The following FAM135A variants were observed in gnomAD, a reference collection of about 807,000 sequenced individuals.
FAM135A encodes family with sequence similarity 135 member A.
A neutral mutation model predicts 146.8 loss-of-function variants in FAM135A; 79 were observed. That is an observed-to-expected ratio of 0.54 (90% CI 0.45 to 0.65). The LOEUF (loss-of-function observed/expected upper bound fraction) is 0.65, where lower values mean the gene tolerates loss of function less well. Among genes scored for constraint, FAM135A ranks in the 30% least tolerant of loss-of-function variants. FAM135A has a pLI of 0.00. For missense variants in FAM135A, 1,623 were observed against 1,758.2 expected (o/e 0.92, Z 1.38); for synonymous variants, 562 against 603.6 (o/e 0.93, Z 1.01).
intron 5 of FAM135A, among the ~76,000 whole-genome samples, chr6:70,461,137 T>G (rs1021003977): frequency 6.6e-6 from 1 of 152,114 alleles, no homozygotes; most frequent in African/African-American, 2.4e-5. Flanking sequence ...GATAGATAAA[T>G]CTTAATGTAG....
chr6:70,519,948 T>G (rs1016550151), intron 12 of FAM135A, among the ~76,000 whole-genome samples: 3 of 152,194 alleles, frequency 2.0e-5, no homozygotes, highest in Non-Finnish European at 2.9e-5. Context: ...TTTTATTTAA[T>G]GTGCTCAGCT....
chr6:70,529,522 T>G (rs1795383505), intron 16 of FAM135A, among the ~76,000 whole-genome samples: 1 of 151,704 alleles, frequency 6.6e-6, no homozygotes, highest in African/African-American at 2.4e-5. Context: ...CAATAAAGTC[T>G]TCAAAGAATT....
intron 21 of FAM135A, 55 bp from the exon 22 acceptor site, chr6:70,559,661 T>G: frequency 3.5e-6 from 5 of 1,415,572 alleles, no homozygotes; most frequent in Non-Finnish European, 4.8e-6. Flanking sequence ...GCATAGTTTT[T>G]TTATTTTCAG....
intron 5 of FAM135A, among the ~76,000 whole-genome samples, chr6:70,453,375 A>G (rs1236002362): frequency 2.6e-5 from 4 of 152,112 alleles, no homozygotes; most frequent in Non-Finnish European, 5.9e-5. Context: ...TTATCATACT[A>G]TGGATACTAA....
intron 4 of FAM135A, among the ~76,000 whole-genome samples, chr6:70,436,031 A>G (rs936291638): frequency 6.6e-6 from 1 of 152,080 alleles, no homozygotes; most frequent in Non-Finnish European, 1.5e-5. Context: ...TAAAAGTACA[A>G]AAATTAGCCA....
chr6:70,494,421 G>A (rs1227518584), intron 11 of FAM135A, among the ~76,000 whole-genome samples: 1 of 151,842 alleles, frequency 6.6e-6, no homozygotes, highest in Admixed American at 6.6e-5. Flanking sequence ...CCTGAGTCCA[G>A]GAAATGAGAC....
chr6:70,431,355 G>A (rs1771559473), intron 4 of FAM135A, among the ~76,000 whole-genome samples: 2 of 152,162 alleles, frequency 1.3e-5, no homozygotes, highest in African/African-American at 4.8e-5. Flanking sequence ...CAGTCAGATG[G>A]CAGATTGGCC....
chr6:70,544,789 G>A (rs980698185), intron 20 of FAM135A, among the ~76,000 whole-genome samples: 1 of 151,660 alleles, frequency 6.6e-6, no homozygotes, highest in South Asian at 2.1e-4. Flanking sequence ...AGTGGCTCAC[G>A]CCTGTAATCC....
At chr6:70,465,784 C>G (rs1052610391) in intron 5 of FAM135A, among the ~76,000 whole-genome samples, 1 of 152,222 alleles carries the variant, frequency 6.6e-6, no homozygotes, top group African/African-American at 2.4e-5. Context: ...GTTTCAGTTT[C>G]TCCACATCCA....
intron 16 of FAM135A, among the ~76,000 whole-genome samples, chr6:70,530,037 C>G (rs1795505005): frequency 1.3e-5 from 2 of 151,804 alleles, no homozygotes; most frequent in African/African-American, 2.4e-5. Context: ...GCACTTCAGC[C>G]TGGGCTACAG....
At position 70,435,107 on chromosome 6, in the gene FAM135A, ATATTT is replaced by A. The variant is rs1449408324; in HGVS notation, c.77+6690_77+6694del. Among the ~76,000 whole-genome samples, 595 of 66,670 alleles carry A rather than the reference ATATTT, an allele frequency of 8.9e-3. 5 individuals are homozygous for A. Among genetic ancestry groups the A allele is most frequent in the African/African-American group, 0.024 (455 of 19,238 alleles). The allele number at this position is 66,670 out of a possible 152,430, so 43.7% of individuals were successfully genotyped here. ...TATATATATATATATATATATATAT[ATATTT>A]TTTTTTTTTTTTAGATGGAGTCTCA... is the stretch of plus-strand genomic sequence containing the variant. On this transcript the variant is annotated intron_variant, in intron 4 of 21. Coordinates refer to ENST00000418814, the MANE Select transcript of FAM135A (RefSeq NM_001162529.3).
At chr6:70,526,727 T>C (rs968814090) in intron 15 of FAM135A, 29 bp downstream of exon 15, 1 of 1,509,136 alleles carries the variant, frequency 6.6e-7, no homozygotes, top group African/African-American at 1.4e-5. Context: ...TAGTACCTGC[T>C]GCTAAATATA....
intron 3 of FAM135A, among the ~76,000 whole-genome samples, chr6:70,427,080 A>G (rs753508481): frequency 6.6e-6 from 1 of 152,168 alleles, no homozygotes; most frequent in Non-Finnish European, 1.5e-5. Context: ...TGCTTTCTAC[A>G]CTTAGCTTAC....
chr6:70,497,598 G>C (rs937686936), intron 11 of FAM135A, among the ~76,000 whole-genome samples: 1 of 152,162 alleles, frequency 6.6e-6, no homozygotes, highest in Non-Finnish European at 1.5e-5. Flanking sequence ...AATGCTTCCA[G>C]CTTTTGCCCA....
chr6:70,467,367 C>CA (rs1401943283), intron 5 of FAM135A, among the ~76,000 whole-genome samples: 1 of 151,122 alleles, frequency 6.6e-6, no homozygotes, highest in East Asian at 1.9e-4. Flanking sequence ...TTTCCCCTTT[C>CA]AAAAATCTGG....
At chr6:70,555,787 A>G (rs559485613) in intron 20 of FAM135A, among the ~76,000 whole-genome samples, 1 of 152,208 alleles carries the variant, frequency 6.6e-6, no homozygotes, top group South Asian at 2.1e-4. Flanking sequence ...TATATGTTCA[A>G]TTAACTTCTA....
Position 70,526,802 on chromosome 6 carries a change from C to CACACACACAT in FAM135A, c.3614+105_3614+106insCACACACATA, listed in dbSNP as rs1554161866. On this transcript the variant is annotated intron_variant, in intron 15 of 21. Coordinates refer to ENST00000418814, the MANE Select transcript of FAM135A (RefSeq NM_001162529.3). ...ACACACACACACACACACACACACA[C>CACACACACAT]ATATATATATAAAATCATAGATAGT... The CACACACACAT allele has an allele frequency of 6.9e-4, 364 of 528,146 alleles. 2 individuals carry two copies. In the African/African-American group the frequency reaches 7.7e-3, roughly 11 times the overall value. 32.7% of individuals were successfully genotyped at this position (528,146 alleles called of 1,614,324 possible). A position where few individuals can be genotyped will look rare whatever the true frequency, so the allele number is the denominator to read the frequency against.
In FAM135A at chr6:70,491,064, A is replaced by T. The variant is rs150077103; in HGVS notation, c.854A>T (p.Glu285Val). 1 of 1,602,808 alleles carries T rather than the reference A, an allele frequency of 6.2e-7. No homozygotes were observed. The highest frequency in any genetic ancestry group is 1.3e-5 in the African/African-American group (1 of 74,448). Residue 285 changes from glutamate to valine, a missense_variant, in exon 11 of 22, where the codon GAA (glutamate) becomes GTA (valine). Around this residue, in one of 7 missense-constraint regions of FAM135A, gnomAD observed 206 missense variants for 194.7 expected, o/e 1.06. Transcript: ENST00000418814. ...EEMDVEARLT[E>V]LCEEVKKIEN... is the part of the protein sequence containing the mutation. ...ATGGATGTAGAAGCTCGACTTACTG[A>T]ACTATGTGAAGAAGTTAAGGTACTT...
intron 2 of FAM135A, among the ~76,000 whole-genome samples, chr6:70,421,889 A>G (rs564081514): frequency 2.6e-5 from 4 of 152,068 alleles, no homozygotes; most frequent in Admixed American, 2.0e-4. Flanking sequence ...GGGTCATGAA[A>G]CTCTTAGCTT....
Sources: allele counts gnomAD v4.1 joint callset (sites outside exome capture counted in the v4.1 genomes callset), GRCh38; gene constraint gnomAD v4.1.1; regional missense constraint gnomAD v4.1.1; transcripts MANE v1.5; gene names NCBI Gene and HGNC (gene_info 2026-07-23, HGNC 2026-07-21).